Variants in ACSBG1 observed in about 807,000 individuals in gnomAD.
ACSBG1 encodes acyl-CoA synthetase bubblegum family member 1.
A neutral mutation model predicts 80.2 loss-of-function variants in ACSBG1; 39 were observed. The ratio of observed to expected loss-of-function variants is 0.49; its 90% CI spans 0.38 to 0.64. ACSBG1 has a LOEUF of 0.64. ACSBG1 is among the 30% of genes least tolerant of loss of function. The pLI is 0.00. For missense variants in ACSBG1, 828 were observed against 966.4 expected, an observed-to-expected ratio of 0.86 and a Z score of 1.90; for synonymous variants, 392 against 379.5, an observed-to-expected ratio of 1.03 and a Z score of -0.38.
chr15:78,209,144 C>T (rs1595896818), intron 1 of ACSBG1: 1 of 456,070 alleles, frequency 2.2e-6, no homozygotes, highest in Middle Eastern at 3.3e-4. Flanking sequence ...GGGCCAATTA[C>T]CTGCTTCTCA....
chr15:78,194,152 T>C, intron 3 of ACSBG1, 132 bp from the exon 4 acceptor site: 1 of 857,474 alleles, frequency 1.2e-6, no homozygotes, highest in South Asian at 1.5e-5. Flanking sequence ...AGTCAGAGAA[T>C]CCCCTTGGAG....
At position 78,223,887 on chromosome 15, in the gene ACSBG1, C is replaced by T. The variant is rs185628231; in HGVS notation, c.131+10484G>A. 4.8e-3 allele frequency among the ~76,000 whole-genome samples: 730 copies of T among 152,190 alleles called. 4 individuals are homozygous for T. Among genetic ancestry groups the T allele is most frequent in the African/African-American group, 0.017 (686 of 41,518 alleles). On this transcript the variant is annotated intron_variant, in intron 1 of 13. Coordinates refer to ENST00000258873, the MANE Select transcript of ACSBG1 (RefSeq NM_015162.5). Reference sequence around the variant, plus strand: ...TTTGACATGCACAGAAGAGAAACAACGTGACCACAGAGGCAGAGATGGGAG... The same window carrying T: ...TTTGACATGCACAGAAGAGAAACAATGTGACCACAGAGGCAGAGATGGGAG...
chr15:78,201,139 G>T (rs2075163669), intron 2 of ACSBG1, among the ~76,000 whole-genome samples: 1 of 152,082 alleles, frequency 6.6e-6, no homozygotes, highest in South Asian at 2.1e-4. Flanking sequence ...TCATGGTCGG[G>T]GCTGCCTCTC....
intron 1 of ACSBG1, among the ~76,000 whole-genome samples, chr15:78,231,695 C>A (rs1370817867): frequency 1.3e-5 from 2 of 152,084 alleles, no homozygotes; most frequent in Non-Finnish European, 1.5e-5. Flanking sequence ...CTCAAGCGAT[C>A]CTCCCACCTC....
intron 1 of ACSBG1, among the ~76,000 whole-genome samples, chr15:78,221,103 C>T (rs146124969): frequency 1.4e-4 from 21 of 152,224 alleles, no homozygotes; most frequent in Middle Eastern, 3.4e-3. Context: ...TGAGGAGGGA[C>T]GAGAGACTGA....
In ACSBG1 at chr15:78,230,190, G is replaced by A. The variant is rs74024197; in HGVS notation, c.131+4181C>T. Among the ~76,000 whole-genome samples the A allele has an allele frequency of 2.6e-3, 391 of 152,338 alleles. 2 individuals carry two copies. Among genetic ancestry groups the A allele is most frequent in the African/African-American group, 8.8e-3 (368 of 41,590 alleles). ...ATGGTCTACAGCCACAGCCTCAAGG[G>A]CACAGAACACAAGCTGCCAGAGCAG... On this transcript the variant is annotated intron_variant, in intron 1 of 13. Coordinates refer to ENST00000258873, the MANE Select transcript of ACSBG1 (RefSeq NM_015162.5).
intron 2 of ACSBG1, among the ~76,000 whole-genome samples, chr15:78,197,220 C>A (rs4887012): frequency 0.71 from 107,181 of 151,926 alleles, 37,963 homozygotes; most frequent in Admixed American, 0.79. Context: ...AAAGCAGATT[C>A]GTGTTTGCCC....
chr15:78,190,224 C>T (rs909597083), intron 5 of ACSBG1, among the ~76,000 whole-genome samples: 10 of 70,040 alleles, frequency 1.4e-4, no homozygotes, highest in African/African-American at 5.5e-4. Context: ...GCCTGGGCAA[C>T]ATAGCAAGAC....
intron 1 of ACSBG1, among the ~76,000 whole-genome samples, chr15:78,218,699 A>G (rs1013984569): frequency 6.6e-6 from 1 of 152,052 alleles, no homozygotes; most frequent in African/African-American, 2.4e-5. Flanking sequence ...AGATGAAGTA[A>G]CTTGCTAAAG....
Position 78,179,693 on chromosome 15 carries a change from C to A in ACSBG1, c.1341G>T (p.Lys447Asn). 1 of 1,614,170 alleles carries A rather than the reference C, an allele frequency of 6.2e-7. No individual in the cohort carries two copies. Among genetic ancestry groups the A allele is most frequent in the Non-Finnish European group, 8.5e-7 (1 of 1,180,044 alleles). Residue 447 changes from lysine to asparagine, a missense_variant, in exon 10 of 14, where the codon AAG becomes AAT. Transcript: ENST00000258873. ...TCATGGGGGCCGCTCCATAGAAGTT[C>A]TTTTGACACTTGGCAAATCCCAGTG... ...RQALGFAKCQ[K>N]NFYGAAPMMA...
In ACSBG1 at chr15:78,171,458, CT is replaced by C. The variant is rs1378860386; in HGVS notation, c.2160del (p.Glu721SerfsTer14). Reference sequence around the variant, plus strand: ...ATAGGCCCTGATTACATTTTTTGCTCTTGGTAAAAGGAGTCAATGATACCTT... The same window carrying C: ...ATAGGCCCTGATTACATTTTTTGCTCTGGTAAAAGGAGTCAATGATACCTT... The part of the protein sequence containing the change: ...KYKGIIDSFY[Q>X]EQKM On this transcript the variant is annotated frameshift_variant, in exon 14 of 14. Coordinates refer to ENST00000258873, the MANE Select transcript of ACSBG1 (RefSeq NM_015162.5). LOFTEE classifies it high-confidence loss of function. 6.2e-7 allele frequency: 1 copy of C among 1,613,798 alleles called. No individual in the cohort carries two copies. The highest frequency in any genetic ancestry group is 1.7e-5 in the Admixed American group (1 of 59,960).
At chr15:78,221,083 G>C (rs2141383471) in intron 1 of ACSBG1, among the ~76,000 whole-genome samples, 1 of 152,330 alleles carries the variant, frequency 6.6e-6, no homozygotes, top group South Asian at 2.1e-4. Flanking sequence ...ACACCTCTGG[G>C]TATTTCTCAT....
At chr15:78,193,433 C>T in intron 5 of ACSBG1, 73 bp downstream of exon 5, 1 of 1,542,752 alleles carries the variant, frequency 6.5e-7, no homozygotes, top group Non-Finnish European at 8.8e-7. Flanking sequence ...CGGGAAGGTT[C>T]CGTGTGAGTT....
At chr15:78,174,716 C>A (rs981837125) in intron 11 of ACSBG1, 192 bp from the exon 12 acceptor site, 3 of 610,972 alleles carry the variant, frequency 4.9e-6, no homozygotes, top group African/African-American at 3.8e-5. Flanking sequence ...AGCACCCCGA[C>A]GACAAATGCT....
chr15:78,232,196 A>G (rs971980661), intron 1 of ACSBG1, among the ~76,000 whole-genome samples: 1 of 152,242 alleles, frequency 6.6e-6, no homozygotes, highest in African/African-American at 2.4e-5. Context: ...TTTTTCTGCA[A>G]TGTCAATGAA....
Position 78,197,606 on chromosome 15 carries a change from C to T in ACSBG1, c.233-2880G>A, listed in dbSNP as rs571075311. 3.0e-4 allele frequency among the ~76,000 whole-genome samples: 45 copies of T among 151,116 alleles called. 1 individual carries two copies. The South Asian group carries it at 9.4e-3, about 32-fold the overall frequency. On this transcript the variant is annotated intron_variant, in intron 2 of 13. Transcript: ENST00000258873. ...TGGTGGTGCACATCTGTAATCCCAA[C>T]TACTTGGGAAGCTGAGGCATGAGAA...
chr15:78,202,489 G>A (rs576142619), intron 2 of ACSBG1, among the ~76,000 whole-genome samples: 3 of 152,126 alleles, frequency 2.0e-5, no homozygotes, highest in East Asian at 1.9e-4. Context: ...GATTACAGGC[G>A]TGAGCCACCA....
At chr15:78,181,711 T>C (rs960202881) in intron 8 of ACSBG1, among the ~76,000 whole-genome samples, 1 of 152,124 alleles carries the variant, frequency 6.6e-6, no homozygotes, top group African/African-American at 2.4e-5. Flanking sequence ...GCCAGGATGG[T>C]CTTGATCTCC....
At chr15:78,206,754 G>A (rs539535180) in intron 2 of ACSBG1, among the ~76,000 whole-genome samples, 2 of 152,326 alleles carry the variant, frequency 1.3e-5, no homozygotes, top group Admixed American at 6.5e-5. Context: ...ACTGCTGCAC[G>A]GCTGCCAGAC....
Sources: gnomAD v4.1 joint callset for allele counts (sites outside exome capture counted in the v4.1 genomes callset) on GRCh38, gnomAD v4.1.1 for gene constraint, MANE v1.5 for transcripts, NCBI Gene and HGNC (gene_info 2026-07-23, HGNC 2026-07-21) for gene names.